The following PCDHGA5 variants were observed in gnomAD, a reference collection of about 807,000 sequenced individuals.
PCDHGA5 encodes protocadherin gamma-A5.
A neutral mutation model predicts 56.7 loss-of-function variants in PCDHGA5; 36 were observed. That is an observed-to-expected ratio of 0.64 (90% CI 0.49 to 0.84). The LOEUF is 0.84. Among genes scored for constraint, PCDHGA5 ranks in the 40% least tolerant of loss-of-function variants. The pLI, the probability that PCDHGA5 is intolerant of heterozygous loss-of-function variation, is 0.00. For missense variants in PCDHGA5, 1,305 were observed against 1,201.5 expected, an observed-to-expected ratio of 1.09 and a Z score of -1.27; for synonymous variants, 563 against 520.2, an observed-to-expected ratio of 1.08 and a Z score of -1.12.
At chr5:141,419,928 T>G in intron 1 of PCDHGA5, 1 of 1,614,084 alleles carries the variant, frequency 6.2e-7, no homozygotes, top group South Asian at 1.1e-5. Flanking sequence ...GAGATGCAGT[T>G]TTACCTGGTG....
rs564486909 is a variant in PCDHGA5, at chr5:141,428,072, G to C, written c.2421+61321G>C. ...AGGTGGTGGCGGTGGACGCAGATTC[G>C]GGACACAACGCTTGGCTGTCCTACC... is the stretch of plus-strand genomic sequence containing the variant. On this transcript the variant is annotated intron_variant, in intron 1 of 3. Transcript: ENST00000518069. 5 of 1,609,080 alleles carry C rather than the reference G, an allele frequency of 3.1e-6. 1 individual carries two copies. The South Asian group carries it at 5.5e-5, about 18-fold the overall frequency.
intron 1 of PCDHGA5, chr5:141,405,100 G>A (rs764536213): frequency 1.2e-6 from 2 of 1,613,924 alleles, no homozygotes; most frequent in Non-Finnish European, 1.7e-6. Context: ...CCCTCAGGCT[G>A]AGGCACTGGC....
In PCDHGA5 at chr5:141,383,791, A is replaced by G. The variant is rs763044850; in HGVS notation, c.2421+17040A>G. 4 of 1,613,998 alleles carry G rather than the reference A, an allele frequency of 2.5e-6. No homozygotes were observed. In the South Asian group the frequency reaches 4.4e-5, roughly 18 times the overall value. On this transcript the variant is annotated intron_variant, in intron 1 of 3. Transcript: ENST00000518069. ...AAAGATGTTTCATCTGAACTCGCTT[A>G]CAGGAGAAATATCAACTTTAGAAGG...
rs2099695548 is a variant in PCDHGA5, at chr5:141,490,059, C to T, written c.2422-4748C>T. On this transcript the variant is annotated intron_variant, in intron 1 of 3. Coordinates refer to ENST00000518069, the MANE Select transcript of PCDHGA5 (RefSeq NM_018918.3). The surrounding 1 kb of genome is among the most constrained non-coding windows in gnomAD (Gnocchi z 5.4). ...ATGCCACTGATCCAGACGAGGGCAC[C>T]AACGGCCAACTAGACTATTCTTTTG... 1.2e-6 allele frequency: 2 copies of T among 1,614,242 alleles called. No individual in the cohort carries two copies. The highest frequency in any genetic ancestry group is 1.7e-6 in the Non-Finnish European group (2 of 1,180,030).
At chr5:141,394,224 A>G (rs375614946) in intron 1 of PCDHGA5, 380 of 1,613,788 alleles carry the variant, frequency 2.4e-4, no homozygotes, top group Middle Eastern at 1.3e-3. Context: ...AGGAGCCTCC[A>G]TCTTTTCCTT....
rs750401937 is a variant in PCDHGA5 at position 141,487,357 on chromosome 5, T to G, written c.2422-7450T>G. 5.0e-6 allele frequency: 8 copies of G among 1,614,212 alleles called. No homozygotes were observed. The highest frequency in any genetic ancestry group is 6.8e-6 in the Non-Finnish European group (8 of 1,180,032). ...CCTGTGGAGTCACATGCTTTCCTGC[T>G]GGCACCTGTGCCTGTCTCACCAGAT... On this transcript the variant is annotated intron_variant, in intron 1 of 3. Transcript: ENST00000518069. This position sits in a 1 kb window ranked among gnomAD's most constrained non-coding sequence, Gnocchi z 5.0.
chr5:141,366,214 A>T lies in PCDHGA5; in HGVS notation c.1884A>T (p.Thr628=), dbSNP rs749592795. The T allele has an allele frequency of 7.4e-6, 12 of 1,613,810 alleles. No individual in the cohort carries two copies. In the Admixed American group the frequency reaches 2.0e-4, roughly 27 times the overall value. Residue 628 remains threonine (T), a synonymous_variant, in exon 1 of 4, where the codon ACA becomes ACT. Transcript: ENST00000518069. ...GGCTGCACACGGGCGAGGTGCGCAC[A>T]GCGCGAGCCCTGCTGGACAGAGACG... ...AVGLHTGEVR[T]ARALLDRDAL...
intron 1 of PCDHGA5, chr5:141,426,887 G>C (rs1309180455): frequency 6.6e-6 from 3 of 456,646 alleles, no homozygotes; most frequent in South Asian, 4.6e-5. Context: ...TGGGCCAGGA[G>C]CAACAGAGCT....
intron 1 of PCDHGA5, chr5:141,414,723 C>T (rs775890033): frequency 1.9e-6 from 3 of 1,614,170 alleles, no homozygotes. Context: ...CAGACACTGG[C>T]GTCCTGTATG....
At chr5:141,444,578 C>G (rs1030770037) in intron 1 of PCDHGA5, among the ~76,000 whole-genome samples, 1 of 152,134 alleles carries the variant, frequency 6.6e-6, no homozygotes, top group Non-Finnish European at 1.5e-5. Context: ...TTGACTCTTC[C>G]TTTCTACTTA....
chr5:141,394,136 C>G, intron 1 of PCDHGA5: 1 of 1,613,956 alleles, frequency 6.2e-7, no homozygotes, highest in Non-Finnish European at 8.5e-7. Flanking sequence ...TCGCTCTGCA[C>G]GTGGCAGACA....
chr5:141,399,414 C>T, intron 1 of PCDHGA5: 1 of 1,614,034 alleles, frequency 6.2e-7, no homozygotes, highest in East Asian at 2.2e-5. Flanking sequence ...CGCCCCTCTC[C>T]TCCAGCATAA....
At chr5:141,381,947 A>G (rs957045552) in intron 1 of PCDHGA5, among the ~76,000 whole-genome samples, 2 of 146,392 alleles carry the variant, frequency 1.4e-5, no homozygotes, top group Non-Finnish European at 3.0e-5. Flanking sequence ...TTCCTGCCTC[A>G]GCCTCCTGAG....
chr5:141,468,374 C>T (rs1340499708), intron 1 of PCDHGA5: 2 of 150,736 alleles, frequency 1.3e-5, no homozygotes, highest in Non-Finnish European at 3.0e-5. Context: ...ATAACTCAGC[C>T]ATACAAGGCT....
intron 1 of PCDHGA5, chr5:141,418,506 ATGG>A (rs2096264933): frequency 6.2e-7 from 1 of 1,613,860 alleles, no homozygotes; most frequent in African/African-American, 1.3e-5. Context: ...ACCGCCTTAG[ATGG>A]TGGGGACCCT....
chr5:141,376,001 C>A lies in PCDHGA5; in HGVS notation c.2421+9250C>A, dbSNP rs1554084237. On this transcript the variant is annotated intron_variant, in intron 1 of 3. Transcript: ENST00000518069. ...CCTGCTGGACAGAGACGCGCTCAAGCAGAGCCTAGTGGTGGCCGTCCAGGA... is the reference window on the plus strand; with the variant it reads ...CCTGCTGGACAGAGACGCGCTCAAGAAGAGCCTAGTGGTGGCCGTCCAGGA... 10 of 1,613,362 alleles carry A rather than the reference C, an allele frequency of 6.2e-6. No homozygotes were observed. The Admixed American group carries it at 1.7e-4, about 27-fold the overall frequency.
chr5:141,381,979 G>T (rs767842302), intron 1 of PCDHGA5, among the ~76,000 whole-genome samples: 1 of 151,486 alleles, frequency 6.6e-6, no homozygotes, highest in African/African-American at 2.4e-5. Context: ...ACAGGCGCGC[G>T]CCACCACGCC....
At chr5:141,447,834 C>T (rs2098552835) in intron 1 of PCDHGA5, among the ~76,000 whole-genome samples, 1 of 151,844 alleles carries the variant, frequency 6.6e-6, no homozygotes, top group African/African-American at 2.4e-5. Flanking sequence ...GCCTGTAATC[C>T]CAGTGCTTTG....
Position 141,422,774 on chromosome 5 carries a change from A to G in PCDHGA5, c.2421+56023A>G, listed in dbSNP as rs372343628. On this transcript the variant is annotated intron_variant, in intron 1 of 3. Coordinates refer to ENST00000518069, the MANE Select transcript of PCDHGA5 (RefSeq NM_018918.3). ...ATTAACTCCAACACTGGTGTTCTCT[A>G]TGCCCTACAATCCTTCGACTATGAG... 100 of 1,613,880 alleles carry G rather than the reference A, an allele frequency of 6.2e-5. 1 individual carries two copies. In the Middle Eastern group the frequency reaches 1.3e-3, roughly 21 times the overall value.
Sources: gnomAD v4.1 joint callset for allele counts (sites outside exome capture counted in the v4.1 genomes callset) on GRCh38, gnomAD v4.1.1 for gene constraint, Gnocchi (gnomAD v3.1) non-coding constraint, MANE v1.5 for transcripts, NCBI Gene and HGNC (gene_info 2026-07-23, HGNC 2026-07-21) for gene names.